NRG3: variants seen among roughly 807,000 people sequenced by gnomAD.
NRG3 encodes the protein neuregulin 3, also known as pro-neuregulin-3, membrane-bound isoform.
Under a neutral mutation model 66.9 loss-of-function variants are expected in NRG3, and 31 were observed. The observed-to-expected ratio is 0.46, with a 90% CI of 0.35 to 0.63. The LOEUF is 0.63. NRG3 is among the 20% of genes least tolerant of loss of function. The pLI, the probability that NRG3 is intolerant of heterozygous loss-of-function variation, is 0.00. For missense variants in NRG3, 910 were observed against 878.9 expected (o/e 1.04, Z -0.45); for synonymous variants, 393 against 359.4 (o/e 1.09, Z -1.06).
At chr10:82,355,515 T>C (rs1183693378) in intron 1 of NRG3, among the ~76,000 whole-genome samples, 1 of 152,232 alleles carries the variant, frequency 6.6e-6, no homozygotes, top group South Asian at 2.1e-4. Flanking sequence ...TCCAAAATTA[T>C]TAGCATCTCT....
intron 4 of NRG3, among the ~76,000 whole-genome samples, chr10:82,937,479 CAT>C (rs1441920510): frequency 6.6e-6 from 1 of 152,226 alleles, no homozygotes; most frequent in Non-Finnish European, 1.5e-5. Flanking sequence ...TAGCCACAAA[CAT>C]GTGATGGTCA....
chr10:82,925,109 G>T (rs960651537), intron 4 of NRG3, among the ~76,000 whole-genome samples: 20 of 152,156 alleles, frequency 1.3e-4, no homozygotes, highest in Non-Finnish European at 2.9e-4. Flanking sequence ...ACTAGGGGAA[G>T]ACAAAGAATT....
intron 1 of NRG3, among the ~76,000 whole-genome samples, chr10:81,907,224 T>TCG (rs1844680861): frequency 6.6e-6 from 1 of 152,158 alleles, no homozygotes; most frequent in African/African-American, 2.4e-5. Flanking sequence ...AAACAAGTAA[T>TCG]AGACTTGGTT....
At chr10:82,588,417 A>G (rs529776601) in intron 2 of NRG3, among the ~76,000 whole-genome samples, 1 of 152,056 alleles carries the variant, frequency 6.6e-6, no homozygotes, top group South Asian at 2.1e-4. Context: ...GCCTTCCTCC[A>G]TGATTAGAAG....
At chr10:82,593,811 G>A (rs2047116938) in intron 2 of NRG3, among the ~76,000 whole-genome samples, 1 of 151,400 alleles carries the variant, frequency 6.6e-6, no homozygotes, top group African/African-American at 2.4e-5. Flanking sequence ...ATATATGTCT[G>A]TTTTAATACA....
At chr10:82,006,136 T>A (rs1455723763) in intron 1 of NRG3, among the ~76,000 whole-genome samples, 1 of 152,128 alleles carries the variant, frequency 6.6e-6, no homozygotes, top group African/African-American at 2.4e-5. Context: ...TATTGATTTT[T>A]ACAATCTAAA....
At chr10:82,201,427 A>T (rs1390404690) in intron 1 of NRG3, among the ~76,000 whole-genome samples, 2 of 152,006 alleles carry the variant, frequency 1.3e-5, no homozygotes, top group African/African-American at 4.8e-5. Context: ...TCTGTCTCAA[A>T]CTGTCCAGTC....
intron 2 of NRG3, among the ~76,000 whole-genome samples, chr10:82,542,248 C>G (rs2043594132): frequency 6.6e-6 from 1 of 152,090 alleles, no homozygotes; most frequent in South Asian, 2.1e-4. Flanking sequence ...GCAAAGGAAC[C>G]AGACTTTTTA....
chr10:82,203,798 A>G (rs926306687), intron 1 of NRG3, among the ~76,000 whole-genome samples: 2 of 152,158 alleles, frequency 1.3e-5, no homozygotes, highest in African/African-American at 4.8e-5. Context: ...TGAAAGTTGG[A>G]TGGGTCAAAT....
chr10:81,962,389 T>C (rs189403711), intron 1 of NRG3, among the ~76,000 whole-genome samples: 1 of 152,332 alleles, frequency 6.6e-6, no homozygotes, highest in East Asian at 1.9e-4. Context: ...TAGTAGTTTT[T>C]AATCCTTTAG....
At chr10:82,700,525 G>A (rs1444314449) in intron 2 of NRG3, among the ~76,000 whole-genome samples, 1 of 152,162 alleles carries the variant, frequency 6.6e-6, no homozygotes, top group African/African-American at 2.4e-5. Flanking sequence ...CTGTTGAGAA[G>A]TGGAGGCAAA....
At chr10:82,628,232 A>G (rs1323298902) in intron 2 of NRG3, among the ~76,000 whole-genome samples, 2 of 152,208 alleles carry the variant, frequency 1.3e-5, no homozygotes, top group Non-Finnish European at 2.9e-5. Flanking sequence ...TTTTATATAT[A>G]TTTTAGTTAT....
chr10:82,874,560 A>C (rs958533673), intron 4 of NRG3, among the ~76,000 whole-genome samples: 4 of 152,086 alleles, frequency 2.6e-5, no homozygotes, highest in Admixed American at 2.0e-4. Flanking sequence ...AAAAGAGTTT[A>C]GTTTTGCTAG....
chr10:82,302,400 A>G (rs1379348194), intron 1 of NRG3, among the ~76,000 whole-genome samples: 1 of 152,132 alleles, frequency 6.6e-6, no homozygotes, highest in Non-Finnish European at 1.5e-5. Context: ...AATAGTGCAG[A>G]TTTAGAGAAC....
intron 2 of NRG3, among the ~76,000 whole-genome samples, chr10:82,573,846 A>G (rs2045884410): frequency 6.6e-6 from 1 of 151,748 alleles, no homozygotes; most frequent in Non-Finnish European, 1.5e-5. Flanking sequence ...ACTGGAAGAG[A>G]CCTCAAAAAA....
intron 2 of NRG3, among the ~76,000 whole-genome samples, chr10:82,381,509 TCAGCC>T (rs2085615682): frequency 6.6e-6 from 1 of 152,128 alleles, no homozygotes; most frequent in African/African-American, 2.4e-5. Context: ...AAGAAGGCGA[TCAGCC>T]TCCAGAGCTT....
At chr10:82,102,544 C>T (rs1024926773) in intron 1 of NRG3, among the ~76,000 whole-genome samples, 3 of 151,022 alleles carry the variant, frequency 2.0e-5, no homozygotes, top group Admixed American at 6.6e-5. Flanking sequence ...TTCCCACTTT[C>T]CTGCTTTTTG....
intron 3 of NRG3, among the ~76,000 whole-genome samples, chr10:82,770,695 A>G (rs1248434369): frequency 6.6e-6 from 1 of 152,160 alleles, no homozygotes. Context: ...AGGGTAGACC[A>G]TAACCTCAGA....
chr10:82,227,729 A>G (rs79221461), intron 1 of NRG3, among the ~76,000 whole-genome samples: 2,549 of 152,330 alleles, frequency 0.017, 31 homozygotes, highest in South Asian at 0.033. Context: ...TATAAAAAAC[A>G]TGGTGTTGGC....
Sources: allele counts gnomAD v4.1 joint callset (sites outside exome capture counted in the v4.1 genomes callset), GRCh38; gene constraint gnomAD v4.1.1; transcripts MANE v1.5; gene names NCBI Gene and HGNC (gene_info 2026-07-23, HGNC 2026-07-21).